NUBPL: variants seen among roughly 807,000 people sequenced by gnomAD.
The protein encoded by NUBPL is iron-sulfur cluster transfer protein NUBPL.
NUBPL carries 31 observed loss-of-function variants against 45.7 expected under a neutral mutation model. That is an observed-to-expected ratio of 0.68 (90% CI 0.51 to 0.92). NUBPL has a LOEUF of 0.92. Among genes scored for constraint, NUBPL ranks in the 40% least tolerant of loss-of-function variants. The pLI is 0.00. For synonymous variants in NUBPL, 144 were observed against 140.9 expected (o/e 1.02, Z -0.15); for missense variants, 401 against 398.7 (o/e 1.01, Z -0.05).
chr14:31,767,777 T>G (rs757211928), intron 6 of NUBPL, among the ~76,000 whole-genome samples: 20 of 152,136 alleles, frequency 1.3e-4, no homozygotes, highest in Non-Finnish European at 2.1e-4. Context: ...TTTGGAAGGC[T>G]TAGGTGGGAG....
chr14:31,844,981 C>T (rs2040429895), intron 8 of NUBPL: 1 of 152,186 alleles, frequency 6.6e-6, no homozygotes, highest in Non-Finnish European at 1.5e-5. Context: ...TAAGTATCAT[C>T]TTCCCTCAAT....
chr14:31,826,053 T>A (rs988773986), intron 7 of NUBPL, among the ~76,000 whole-genome samples: 4 of 152,092 alleles, frequency 2.6e-5, no homozygotes, highest in Non-Finnish European at 5.9e-5. Context: ...ATTATCTGAA[T>A]GAGAAGAAAG....
intron 3 of NUBPL, among the ~76,000 whole-genome samples, chr14:31,567,596 A>AT (rs895999289): frequency 6.6e-6 from 1 of 150,706 alleles, no homozygotes; most frequent in African/African-American, 2.4e-5. Context: ...TTTGGAAATT[A>AT]TTTTTTTTTC....
chr14:31,729,494 C>G (rs1034020083), intron 6 of NUBPL, among the ~76,000 whole-genome samples: 8 of 151,966 alleles, frequency 5.3e-5, no homozygotes, highest in African/African-American at 1.7e-4. Flanking sequence ...ATGCAGAAAC[C>G]TACATTTGAA....
At chr14:31,599,230 A>G (rs1450330461) in intron 3 of NUBPL, 59 bp from the exon 4 acceptor site, 1 of 1,286,466 alleles carries the variant, frequency 7.8e-7, no homozygotes, top group Non-Finnish European at 1.1e-6. Context: ...GAAGAGTGGG[A>G]ACAATCTTAT....
chr14:31,599,923 T>C (rs2034383122), intron 4 of NUBPL, among the ~76,000 whole-genome samples: 2 of 135,774 alleles, frequency 1.5e-5, no homozygotes, highest in Non-Finnish European at 1.7e-5. Context: ...TAGTTTTTTT[T>C]CTTTTTTTTT....
At chr14:31,616,310 T>G (rs2034897991) in intron 4 of NUBPL, among the ~76,000 whole-genome samples, 1 of 151,806 alleles carries the variant, frequency 6.6e-6, no homozygotes, top group Non-Finnish European at 1.5e-5. Flanking sequence ...TTTATCAATT[T>G]TGGCTTTTGG....
intron 10 of NUBPL, among the ~76,000 whole-genome samples, chr14:31,858,740 A>T (rs1171940703): frequency 6.6e-6 from 1 of 152,218 alleles, no homozygotes; most frequent in African/African-American, 2.4e-5. Context: ...AATGACTAAC[A>T]GCTCTTATGC....
intron 4 of NUBPL, among the ~76,000 whole-genome samples, chr14:31,662,401 C>T (rs1327385881): frequency 1.3e-5 from 2 of 151,790 alleles, no homozygotes; most frequent in African/African-American, 4.8e-5. Context: ...CTGCATCTGT[C>T]AACGTGTCAT....
At chr14:31,585,876 G>T (rs1231162499) in intron 3 of NUBPL, among the ~76,000 whole-genome samples, 1 of 152,138 alleles carries the variant, frequency 6.6e-6, no homozygotes, top group Non-Finnish European at 1.5e-5. Flanking sequence ...TTCTTAGAGA[G>T]TACAGATGTA....
At chr14:31,787,906 T>C in intron 7 of NUBPL, 33 bp downstream of exon 7, 5 of 1,451,744 alleles carry the variant, frequency 3.4e-6, no homozygotes. Flanking sequence ...AATTTGTACT[T>C]TTTTTGATGT....
At chr14:31,793,119 C>T (rs1270837824) in intron 7 of NUBPL, among the ~76,000 whole-genome samples, 3 of 152,142 alleles carry the variant, frequency 2.0e-5, no homozygotes, top group African/African-American at 7.2e-5. Flanking sequence ...ATCCCATAAA[C>T]AACATAAGCT....
At chr14:31,652,900 G>C (rs1007071895) in intron 4 of NUBPL, among the ~76,000 whole-genome samples, 2 of 152,120 alleles carry the variant, frequency 1.3e-5, no homozygotes, top group Non-Finnish European at 2.9e-5. Flanking sequence ...CAGCCGGTCT[G>C]AGAAATAAAG....
At chr14:31,642,759 T>A (rs556991630) in intron 4 of NUBPL, among the ~76,000 whole-genome samples, 31 of 152,182 alleles carry the variant, frequency 2.0e-4, no homozygotes, top group African/African-American at 6.3e-4. Flanking sequence ...GCATTGAATC[T>A]GTAATATTAA....
At chr14:31,697,909 G>A (rs1161394106) in intron 6 of NUBPL, among the ~76,000 whole-genome samples, 1 of 152,048 alleles carries the variant, frequency 6.6e-6, no homozygotes, top group Non-Finnish European at 1.5e-5. Flanking sequence ...TGGTGCAGTC[G>A]GGGATCATGG....
At chr14:31,842,150 T>C (rs112316365) in intron 8 of NUBPL, among the ~76,000 whole-genome samples, 235 of 151,786 alleles carry the variant, frequency 1.5e-3, no homozygotes, top group African/African-American at 5.3e-3. Context: ...AGGATGGTCT[T>C]GATCTGACCT....
intron 6 of NUBPL, among the ~76,000 whole-genome samples, chr14:31,741,438 C>T (rs1451063546): frequency 6.6e-6 from 1 of 152,092 alleles, no homozygotes; most frequent in Non-Finnish European, 1.5e-5. Context: ...ATGTTCAGCT[C>T]CGATATAAAC....
At chr14:31,595,006 G>T (rs1274314404) in intron 3 of NUBPL, among the ~76,000 whole-genome samples, 1 of 152,134 alleles carries the variant, frequency 6.6e-6, no homozygotes, top group Non-Finnish European at 1.5e-5. Context: ...AGAAGACATG[G>T]ATAAAAGGAA....
At chr14:31,608,932 T>C (rs1344333937) in intron 4 of NUBPL, among the ~76,000 whole-genome samples, 3 of 151,874 alleles carry the variant, frequency 2.0e-5, no homozygotes, top group Non-Finnish European at 2.9e-5. Context: ...ATTCAATGAA[T>C]ACACAACAAA....
Sources: allele counts gnomAD v4.1 joint callset (sites outside exome capture counted in the v4.1 genomes callset), GRCh38; gene constraint gnomAD v4.1.1; transcripts MANE v1.5; gene names NCBI Gene and HGNC (gene_info 2026-07-23, HGNC 2026-07-21).